Variants in NME9 observed in about 807,000 individuals in gnomAD.
NME9 encodes the protein thioredoxin domain-containing protein 6.
NME9 carries 48 observed loss-of-function variants against 44.4 expected under a neutral mutation model. That is an observed-to-expected ratio of 1.08 (90% CI 0.86 to 1.37). The LOEUF (loss-of-function observed/expected upper bound fraction) is 1.37. NME9 is among the 40% of genes most tolerant of loss of function. The probability of loss-of-function intolerance (pLI) is 0.00; values close to 1 mark genes in which losing one functional copy is unlikely to be tolerated. For synonymous variants in NME9, 139 were observed against 147.1 expected (o/e 0.94, Z 0.40); for missense variants, 325 against 405.2 (o/e 0.80, Z 1.70).
intron 8 of NME9, among the ~76,000 whole-genome samples, chr3:138,283,335 G>T (rs1340341559): frequency 1.3e-5 from 2 of 152,246 alleles, no homozygotes; most frequent in Non-Finnish European, 1.5e-5. Flanking sequence ...AATTATGTGA[G>T]TCTGAATCCC....
chr3:138,288,990 A>G, intron 8 of NME9: 1 of 1,483,402 alleles, frequency 6.7e-7, no homozygotes, highest in Non-Finnish European at 9.3e-7. Flanking sequence ...CCCCCAAAAA[A>G]AAATCTAAAA....
intron 8 of NME9, among the ~76,000 whole-genome samples, chr3:138,268,951 T>A (rs181098235): frequency 1.9e-3 from 284 of 152,292 alleles, no homozygotes; most frequent in South Asian, 3.9e-3. Context: ...ACTATGGTTA[T>A]CTAAGATAAT....
In NME9 at chr3:138,318,059, A is replaced by G. The variant is rs1322468672; in HGVS notation, c.267+89T>C. The G allele has an allele frequency of 5.8e-6, 5 of 858,574 alleles. No homozygotes were observed. In the African/African-American group the frequency reaches 8.2e-5, roughly 14 times the overall value. The allele number at this position is 858,574 out of a possible 1,614,324, so 53.2% of individuals were successfully genotyped here. A position where few individuals can be genotyped will look rare whatever the true frequency, so the allele number is the denominator to read the frequency against. The stretch of plus-strand genomic sequence containing the variant: ...CTTGGTGGTTCCCATTAATTCTCCA[A>G]GAGTGAATTAATGTCAGTGAGATGC... On this transcript the variant is annotated intron_variant, in intron 4 of 10. Coordinates refer to ENST00000333911, the MANE Select transcript of NME9 (RefSeq NM_001349018.2).
intron 1 of NME9, chr3:138,327,170 A>C (rs1265426283): frequency 6.6e-6 from 1 of 151,838 alleles, no homozygotes; most frequent in Admixed American, 6.6e-5. Flanking sequence ...AAAAAAAAAA[A>C]AAAAAAGTCT....
intron 1 of NME9, among the ~76,000 whole-genome samples, chr3:138,328,819 AT>A (rs147129456): frequency 0.011 from 1,706 of 152,326 alleles, 30 homozygotes; most frequent in African/African-American, 0.039. Flanking sequence ...CTCAAAACAT[AT>A]TTGTTAATAA....
intron 10 of NME9, among the ~76,000 whole-genome samples, 179 bp from the exon 11 acceptor site, chr3:138,301,883 A>G (rs963169780): frequency 6.6e-6 from 1 of 152,228 alleles, no homozygotes; most frequent in Non-Finnish European, 1.5e-5. Flanking sequence ...AACATTGAGC[A>G]TTTAATTTGT....
At chr3:138,295,769 G>C in intron 8 of NME9, 1 of 1,465,494 alleles carries the variant, frequency 6.8e-7, no homozygotes, top group East Asian at 2.3e-5. Context: ...TACTTTTTTA[G>C]ACTTCCCCAG....
chr3:138,303,542 AAACTGGGG>A lies in NME9; in HGVS notation c.885_892del (p.Pro296GlufsTer14). The A allele has an allele frequency of 6.2e-7, 1 of 1,613,868 alleles. No individual in the cohort carries two copies. The highest frequency in any genetic ancestry group is 1.1e-5 in the South Asian group (1 of 91,072). On this transcript the variant is annotated frameshift_variant, in exon 10 of 11. Transcript: ENST00000333911. LOFTEE classifies it low-confidence loss of function (END_TRUNC). ...TTCTGTATCTTTGTCTGAAAATTTCAAACTGGGGAAGAGCAATGCCAGTTCTCTGTCAG... is the reference window on the plus strand; with the variant it reads ...TTCTGTATCTTTGTCTGAAAATTTCAAAGAGCAATGCCAGTTCTCTGTCAG...
chr3:138,287,587 G>T (rs1445843866), intron 8 of NME9: 4 of 455,574 alleles, frequency 8.8e-6, no homozygotes. Flanking sequence ...TTGATTGATT[G>T]TCTGAGGCTG....
chr3:138,264,282 T>C, intron 8 of NME9: 3 of 1,198,542 alleles, frequency 2.5e-6, no homozygotes, highest in Non-Finnish European at 2.5e-6. Context: ...TAGCTAACAC[T>C]ACTCCCTGGT....
intron 8 of NME9, among the ~76,000 whole-genome samples, chr3:138,268,819 G>C (rs974402098): frequency 1.3e-5 from 2 of 152,196 alleles, no homozygotes; most frequent in East Asian, 3.9e-4. Context: ...AACCAAAGTG[G>C]GGGAGGGAAA....
intron 4 of NME9, 131 bp downstream of exon 4, chr3:138,318,017 T>TGC (rs2053204287): frequency 1.5e-6 from 1 of 674,424 alleles, no homozygotes; most frequent in African/African-American, 1.8e-5. Flanking sequence ...CATCACTTGT[T>TGC]TGAATCTGTG....
intron 8 of NME9, among the ~76,000 whole-genome samples, chr3:138,277,463 A>G (rs1303290358): frequency 6.6e-6 from 1 of 152,246 alleles, no homozygotes; most frequent in Non-Finnish European, 1.5e-5. Context: ...TGAAACGACA[A>G]GCCATCCACC....
chr3:138,274,627 T>A (rs2108313844), intron 8 of NME9: 1 of 1,011,994 alleles, frequency 9.9e-7, no homozygotes, highest in East Asian at 2.4e-5. Flanking sequence ...AATATTCAAA[T>A]CTGCAGAAGA....
At chr3:138,280,919 C>T (rs1211978385) in intron 8 of NME9, among the ~76,000 whole-genome samples, 1 of 152,224 alleles carries the variant, frequency 6.6e-6, no homozygotes, top group African/African-American at 2.4e-5. Context: ...TCAGCCACCG[C>T]ACCCAGCCTG....
At position 138,319,592 on chromosome 3, in the gene NME9, C is replaced by A; in HGVS notation, c.92-11G>T. On this transcript the variant is annotated splice_polypyrimidine_tract_variant and intron_variant, in intron 2 of 10. Transcript: ENST00000333911. ...GATAGACATCAACAACTGTGTGGAA[C>A]CAAGAAGCAGGAACATTCAGTAGAC... 6.5e-7 allele frequency: 1 copy of A among 1,526,830 alleles called. No homozygotes were observed. Among genetic ancestry groups the A allele is most frequent in the Non-Finnish European group, 9.1e-7 (1 of 1,100,672 alleles). The allele number at this position is 1,526,830 out of a possible 1,614,324, so 94.6% of individuals were successfully genotyped here. A position where few individuals can be genotyped will look rare whatever the true frequency, so the allele number is the denominator to read the frequency against.
intron 2 of NME9, among the ~76,000 whole-genome samples, chr3:138,321,390 A>T (rs2053453872): frequency 6.6e-6 from 1 of 152,226 alleles, no homozygotes; most frequent in African/African-American, 2.4e-5. Flanking sequence ...GTCAAGGGCA[A>T]AAGGAATAAA....
intron 8 of NME9, among the ~76,000 whole-genome samples, chr3:138,282,049 G>T (rs932450730): frequency 2.0e-5 from 3 of 152,160 alleles, no homozygotes; most frequent in Non-Finnish European, 4.4e-5. Flanking sequence ...TCCATGTGCT[G>T]CCCCCGCTCC....
At chr3:138,309,136 C>CA (rs59172479) in intron 6 of NME9, among the ~76,000 whole-genome samples, 1,864 of 147,512 alleles carry the variant, frequency 0.013, 10 homozygotes, top group African/African-American at 0.016. Context: ...ACTAAAAATA[C>CA]AAAAAAAAAA....
Sources: gnomAD v4.1 joint callset for allele counts (sites outside exome capture counted in the v4.1 genomes callset) on GRCh38, gnomAD v4.1.1 for gene constraint, MANE v1.5 for transcripts, NCBI Gene and HGNC (gene_info 2026-07-23, HGNC 2026-07-21) for gene names.